CARMIL1: variants seen among roughly 807,000 people sequenced by gnomAD.
The protein encoded by CARMIL1 is capping protein regulator and myosin 1 linker 1.
In CARMIL1, 90 loss-of-function variants were observed where a neutral mutation model predicts 177.1. The ratio of observed to expected loss-of-function variants is 0.51; its 90% confidence interval spans 0.43 to 0.61. CARMIL1 has a LOEUF of 0.61. Among genes scored for constraint, CARMIL1 ranks in the 20% least tolerant of loss-of-function variants. The pLI, the probability that CARMIL1 is intolerant of heterozygous loss-of-function variation, is 0.00. For missense variants in CARMIL1, 1,380 were observed against 1,667.0 expected (o/e 0.83, Z 3.00); for synonymous variants, 577 against 606.2 (o/e 0.95, Z 0.71).
At chr6:25,442,464 GTGTA>G (rs1562142151) in intron 5 of CARMIL1, among the ~76,000 whole-genome samples, 1 of 141,388 alleles carries the variant, frequency 7.1e-6, no homozygotes, top group East Asian at 2.1e-4. Context: ...CAGTGTGTGT[GTGTA>G]TGTGTGTGTG....
At chr6:25,289,564 A>G (rs1360121607) in intron 2 of CARMIL1, among the ~76,000 whole-genome samples, 1 of 152,134 alleles carries the variant, frequency 6.6e-6, no homozygotes, top group Non-Finnish European at 1.5e-5. Flanking sequence ...CCATCACCAC[A>G]AGGACCCCTA....
At chr6:25,315,264 AC>A (rs1436073475) in intron 2 of CARMIL1, among the ~76,000 whole-genome samples, 2 of 152,184 alleles carry the variant, frequency 1.3e-5, no homozygotes, top group Admixed American at 6.5e-5. Context: ...AATCCTAGGA[AC>A]CCTGTGGTGT....
intron 5 of CARMIL1, among the ~76,000 whole-genome samples, chr6:25,445,122 C>A (rs145278650): frequency 5.4e-4 from 83 of 152,310 alleles, no homozygotes; most frequent in African/African-American, 1.9e-3. Context: ...CTCTGATGAC[C>A]AGCATGTTCA....
intron 2 of CARMIL1, among the ~76,000 whole-genome samples, chr6:25,330,349 T>C (rs1026646190): frequency 6.6e-6 from 1 of 152,062 alleles, no homozygotes; most frequent in Admixed American, 6.6e-5. Flanking sequence ...AAGTTCAATT[T>C]AAGGAACAGA....
chr6:25,459,248 T>TTCTTTCTTTCTTTCTTTCTTTCTTTC, intron 8 of CARMIL1, among the ~76,000 whole-genome samples: 2 of 117,100 alleles, frequency 1.7e-5, no homozygotes, highest in Admixed American at 9.9e-5. Context: ...CTTTCTTTCT[T>TTCTTTCTTTCTTTCTTTCTTTCTTTC]TCTTTCTTTC....
intron 2 of CARMIL1, among the ~76,000 whole-genome samples, chr6:25,308,812 C>A (rs1480307977): frequency 1.3e-5 from 2 of 152,124 alleles, no homozygotes; most frequent in Non-Finnish European, 2.9e-5. Context: ...AAAAAGGAAG[C>A]TCATTTTTCC....
intron 2 of CARMIL1, among the ~76,000 whole-genome samples, chr6:25,358,249 G>T (rs1788830887): frequency 6.6e-6 from 1 of 152,160 alleles, no homozygotes; most frequent in Admixed American, 6.5e-5. Flanking sequence ...TAGAGTAAAA[G>T]ATAGATTTCA....
chr6:25,581,188 A>G, intron 30 of CARMIL1, 55 bp from the exon 31 acceptor site: 1 of 1,514,170 alleles, frequency 6.6e-7, no homozygotes, highest in East Asian at 2.3e-5. Flanking sequence ...ATCCATCTCT[A>G]TGCATTAAGC....
chr6:25,604,833 TC>T lies in CARMIL1; in HGVS notation c.3577del (p.Gln1193ArgfsTer8). The T allele has an allele frequency of 6.3e-7, 1 of 1,594,664 alleles. No individual in the cohort carries two copies. The highest frequency in any genetic ancestry group is 1.1e-5 in the South Asian group (1 of 87,198). On this transcript the variant is annotated frameshift_variant, in exon 34 of 37. Transcript: ENST00000329474. LOFTEE classifies it high-confidence loss of function. ...AQKKLGNDAV[S>X]QDSSSPALSG... Reference sequence around the variant, plus strand: ...TTAGAAGCTTGGGAATGATGCCGTATCCCAGGATTCTTCCAGCCCAGCTTTG... The same window carrying T: ...TTAGAAGCTTGGGAATGATGCCGTATCCAGGATTCTTCCAGCCCAGCTTTG...
At chr6:25,385,271 G>A (rs1412455215) in intron 2 of CARMIL1, among the ~76,000 whole-genome samples, 9 of 152,360 alleles carry the variant, frequency 5.9e-5, no homozygotes, top group African/African-American at 2.2e-4. Context: ...GGCTGGAGAT[G>A]TAACAAAGGT....
intron 13 of CARMIL1, among the ~76,000 whole-genome samples, chr6:25,490,541 T>C (rs148070444): frequency 0.01 from 1,550 of 151,798 alleles, 23 homozygotes; most frequent in African/African-American, 0.031. Flanking sequence ...CTACAAAAAA[T>C]ACAAAAATTA....
intron 2 of CARMIL1, among the ~76,000 whole-genome samples, chr6:25,320,374 G>A (rs1193533086): frequency 6.6e-6 from 1 of 152,196 alleles, no homozygotes; most frequent in African/African-American, 2.4e-5. Flanking sequence ...TGCATGAGTG[G>A]CTGAATAATG....
intron 2 of CARMIL1, among the ~76,000 whole-genome samples, chr6:25,387,541 A>T (rs144985490): frequency 2.0e-5 from 3 of 152,372 alleles, no homozygotes; most frequent in Non-Finnish European, 4.4e-5. Context: ...ATAGCAGTAT[A>T]TATTCTGCAA....
At chr6:25,457,698 A>G (rs1288686671) in intron 8 of CARMIL1, among the ~76,000 whole-genome samples, 4 of 152,232 alleles carry the variant, frequency 2.6e-5, no homozygotes, top group African/African-American at 7.2e-5. Flanking sequence ...CATTGTGTGC[A>G]TGCATGGAGC....
chr6:25,283,787 C>T (rs1371038831), intron 1 of CARMIL1, among the ~76,000 whole-genome samples: 1 of 152,140 alleles, frequency 6.6e-6, no homozygotes, highest in Non-Finnish European at 1.5e-5. Context: ...ATCTCAGCTC[C>T]ACTGCAACCT....
chr6:25,407,548 T>C (rs1794487321), intron 2 of CARMIL1, among the ~76,000 whole-genome samples: 1 of 152,044 alleles, frequency 6.6e-6, no homozygotes, highest in Non-Finnish European at 1.5e-5. Flanking sequence ...GGAGGGAAAG[T>C]CATCTTCCCA....
intron 27 of CARMIL1, among the ~76,000 whole-genome samples, chr6:25,552,240 AT>A (rs1245121978): frequency 2.0e-5 from 3 of 152,060 alleles, no homozygotes; most frequent in South Asian, 4.2e-4. Flanking sequence ...TGGTTTGAGA[AT>A]TTTTTTGTTG....
At chr6:25,425,483 T>C (rs1796208791) in intron 3 of CARMIL1, among the ~76,000 whole-genome samples, 1 of 152,218 alleles carries the variant, frequency 6.6e-6, no homozygotes, top group African/African-American at 2.4e-5. Context: ...CTAAATCTCT[T>C]GTGGGTTTGG....
At chr6:25,333,800 T>G (rs1251214586) in intron 2 of CARMIL1, among the ~76,000 whole-genome samples, 1 of 152,198 alleles carries the variant, frequency 6.6e-6, no homozygotes, top group African/African-American at 2.4e-5. Flanking sequence ...ACTGGTAGGC[T>G]CCATATAACT....
Sources: allele counts gnomAD v4.1 joint callset (sites outside exome capture counted in the v4.1 genomes callset), GRCh38; gene constraint gnomAD v4.1.1; transcripts MANE v1.5; gene names NCBI Gene and HGNC (gene_info 2026-07-23, HGNC 2026-07-21).